Variants in ETV5 observed in about 807,000 individuals in gnomAD.
ETV5 encodes ETS variant transcription factor 5.
A neutral mutation model predicts 70.0 loss-of-function variants in ETV5; 10 were observed. That is an observed-to-expected ratio of 0.14 (90% CI 0.09 to 0.24). The LOEUF (loss-of-function observed/expected upper bound fraction) is 0.24, where lower values mean the gene tolerates loss of function less well. Among genes scored for constraint, ETV5 ranks in the 10% least tolerant of loss-of-function variants. The pLI is 1.00. For synonymous variants in ETV5, 216 were observed against 242.2 expected, an observed-to-expected ratio of 0.89 and a Z score of 1.01; for missense variants, 453 against 651.2, an observed-to-expected ratio of 0.70 and a Z score of 3.31.
Position 186,047,058 on chromosome 3 carries a change from C to T in ETV5, c.*1581G>A, listed in dbSNP as rs9831679. 56 of 228,204 alleles carry T rather than the reference C, an allele frequency of 2.5e-4. No individual in the cohort carries two copies. Among genetic ancestry groups the T allele is most frequent in the African/African-American group, 1.2e-3 (54 of 45,160 alleles). The allele number at this position is 228,204 out of a possible 1,614,324, so 14.1% of individuals were successfully genotyped here. A position where few individuals can be genotyped will look rare whatever the true frequency, so the allele number is the denominator to read the frequency against. On this transcript the variant is annotated 3_prime_UTR_variant, in exon 13 of 13. Transcript: ENST00000306376. ...AAAGCAGTTCAAAGCACGTGTCTCA[C>T]ACTCACGGAGTCAGCACTGCCTCCT... is the stretch of plus-strand genomic sequence containing the variant.
chr3:186,059,077 G>C (rs547858258), intron 9 of ETV5, among the ~76,000 whole-genome samples: 13 of 151,286 alleles, frequency 8.6e-5, no homozygotes, highest in African/African-American at 2.4e-4. Context: ...CGTGAGTAAA[G>C]GTGCCAAGGT....
At chr3:186,103,324 T>C (rs1358008362) in intron 5 of ETV5, among the ~76,000 whole-genome samples, 1 of 152,224 alleles carries the variant, frequency 6.6e-6, no homozygotes, top group Non-Finnish European at 1.5e-5. Context: ...CACTTTAGCC[T>C]ATTCCCACAG....
At chr3:186,063,532 T>C (rs1394019703) in intron 9 of ETV5, among the ~76,000 whole-genome samples, 1 of 152,178 alleles carries the variant, frequency 6.6e-6, no homozygotes, top group African/African-American at 2.4e-5. Flanking sequence ...CCCAAAGGGA[T>C]AGGGCACAAG....
At chr3:186,049,584 A>C (rs1712974479) in intron 12 of ETV5, among the ~76,000 whole-genome samples, 1 of 152,206 alleles carries the variant, frequency 6.6e-6, no homozygotes, top group South Asian at 2.1e-4. Context: ...CAAACCCAAT[A>C]ATCGGCTTCT....
chr3:186,080,958 A>G, intron 6 of ETV5, 88 bp downstream of exon 6: 1 of 1,467,114 alleles, frequency 6.8e-7, no homozygotes. Flanking sequence ...TCTGCTGGGT[A>G]AGTAACACTG....
chr3:186,048,902 G>A (rs1712951142), intron 12 of ETV5, 42 bp from the exon 13 acceptor site: 1 of 1,538,902 alleles, frequency 6.5e-7, no homozygotes, highest in South Asian at 1.1e-5. Flanking sequence ...GTTGGAACAG[G>A]GCATGGGATC....
chr3:186,088,011 G>A (rs1714097631), intron 5 of ETV5, among the ~76,000 whole-genome samples: 2 of 152,160 alleles, frequency 1.3e-5, no homozygotes, highest in African/African-American at 4.8e-5. Context: ...CGGTCTGAAG[G>A]GAAGAAGGAC....
intron 9 of ETV5, among the ~76,000 whole-genome samples, chr3:186,063,970 A>G (rs954668145): frequency 2.6e-5 from 4 of 152,208 alleles, no homozygotes; most frequent in Non-Finnish European, 4.4e-5. Context: ...CCTCACTGAC[A>G]TAACTGTAAA....
intron 9 of ETV5, among the ~76,000 whole-genome samples, chr3:186,058,792 T>A (rs1461127392): frequency 6.6e-6 from 1 of 151,962 alleles, no homozygotes; most frequent in East Asian, 1.9e-4. Context: ...GATGGGTGGA[T>A]CATCTGAGGT....
intron 5 of ETV5, among the ~76,000 whole-genome samples, chr3:186,091,180 T>C (rs1196447765): frequency 1.3e-5 from 2 of 152,224 alleles, no homozygotes; most frequent in Non-Finnish European, 2.9e-5. Context: ...ATGAAGAAAG[T>C]AAGGCTTGTG....
rs1227783341 is a variant in ETV5, at chr3:186,105,739, G to A, written c.46-27C>T. 1 of 1,613,666 alleles carries A rather than the reference G, an allele frequency of 6.2e-7. No homozygotes were observed. The highest frequency in any genetic ancestry group is 8.5e-7 in the Non-Finnish European group (1 of 1,179,574). ...TGAAAGAGGCCAACAGAAAGTGAAG[G>A]CTCAAGTGTAGTAAAGAGGTCCACA... On this transcript the variant is annotated intron_variant, in intron 2 of 12. Coordinates refer to ENST00000306376, the MANE Select transcript of ETV5 (RefSeq NM_004454.3). This position sits in a 1 kb window ranked among gnomAD's most constrained non-coding sequence, Gnocchi z 4.5.
chr3:186,051,273 G>A (rs1713022800), intron 12 of ETV5, among the ~76,000 whole-genome samples: 1 of 152,172 alleles, frequency 6.6e-6, no homozygotes, highest in African/African-American at 2.4e-5. Context: ...CTTCTGCCAC[G>A]TTCATCTTAT....
chr3:186,086,973 G>GA (rs1714073918), intron 5 of ETV5, among the ~76,000 whole-genome samples: 1 of 151,442 alleles, frequency 6.6e-6, no homozygotes, highest in Non-Finnish European at 1.5e-5. Flanking sequence ...CCTGTCTCAA[G>GA]AAAAAACAAA....
intron 9 of ETV5, among the ~76,000 whole-genome samples, chr3:186,060,537 G>A (rs943023763): frequency 6.6e-6 from 1 of 152,196 alleles, no homozygotes; most frequent in Non-Finnish European, 1.5e-5. Flanking sequence ...AGGACTCCAG[G>A]TGAACACTTA....
intron 8 of ETV5, among the ~76,000 whole-genome samples, chr3:186,065,375 C>T (rs1389528448): frequency 6.6e-6 from 1 of 152,264 alleles, no homozygotes; most frequent in Non-Finnish European, 1.5e-5. Context: ...CACACGATCA[C>T]TACCTCACAC....
rs1713066525 is a variant in ETV5 at position 186,052,856 on chromosome 3, GGAAAACTTCCTAGTA to G, written c.1210-740_1210-726del. ...CTCTGGGCAAAGCAGCCTTCTAGCAGGAAAACTTCCTAGTAGAGTTTACCCAATTATCACGGCAGC... is the reference window on the plus strand; with the variant it reads ...CTCTGGGCAAAGCAGCCTTCTAGCAGGAGTTTACCCAATTATCACGGCAGC... On this transcript the variant is annotated intron_variant, in intron 11 of 12. Coordinates refer to ENST00000306376, the MANE Select transcript of ETV5 (RefSeq NM_004454.3). The surrounding 1 kb of genome is among the most constrained non-coding windows in gnomAD (Gnocchi z 4.5). Among the ~76,000 whole-genome samples the G allele has an allele frequency of 6.6e-6, 1 of 152,122 alleles. No individual in the cohort carries two copies. Among genetic ancestry groups the G allele is most frequent in the Admixed American group, 6.5e-5 (1 of 15,268 alleles).
chr3:186,079,947 G>A lies in ETV5; in HGVS notation c.520C>T (p.Pro174Ser). 6.3e-7 allele frequency: 1 copy of A among 1,592,616 alleles called. No individual in the cohort carries two copies. The highest frequency in any genetic ancestry group is 1.4e-5 in the African/African-American group (1 of 74,020). Residue 174 changes from proline to serine, a missense_variant, in exon 7 of 13, where the codon CCC becomes TCC. By Grantham distance (74) the Pro-to-Ser change is moderately conservative. Around this residue, in one of 4 missense-constraint regions of ETV5, gnomAD observed 307 missense variants for 344.9 expected, o/e 0.89. Transcript: ENST00000306376. The stretch of plus-strand genomic sequence containing the variant: ...GGAAGCGAATGGGGGGCGGGGGCGG[G>A]GCCCACACCTTGAACTGGGCCAGCT... Reference protein sequence around the residue: ...PAAGPVQGVGPAPAPHSLPEP... With the variant: ...PAAGPVQGVGSAPAPHSLPEP...
chr3:186,092,943 G>C (rs1308537508), intron 5 of ETV5, among the ~76,000 whole-genome samples: 4 of 152,192 alleles, frequency 2.6e-5, no homozygotes, highest in Non-Finnish European at 4.4e-5. Flanking sequence ...TTCTCTGGGG[G>C]AAATGCTGGC....
At chr3:186,058,811 C>T (rs1290023575) in intron 9 of ETV5, among the ~76,000 whole-genome samples, 1 of 151,880 alleles carries the variant, frequency 6.6e-6, no homozygotes, top group African/African-American at 2.4e-5. Flanking sequence ...GTCAGGAGTT[C>T]GAGACCAGCC....
Sources: allele counts gnomAD v4.1 joint callset (sites outside exome capture counted in the v4.1 genomes callset), GRCh38; gene constraint gnomAD v4.1.1; regional missense constraint gnomAD v4.1.1; non-coding constraint Gnocchi (gnomAD v3.1); transcripts MANE v1.5; gene names NCBI Gene and HGNC (gene_info 2026-07-23, HGNC 2026-07-21).